Variants in PXDNL observed in about 807,000 individuals in gnomAD.
PXDNL encodes peroxidasin like.
In PXDNL, 145 loss-of-function variants were observed where a neutral mutation model predicts 150.8. That is an observed-to-expected ratio of 0.96 (90% CI 0.84 to 1.10). PXDNL has a LOEUF of 1.10. Ranked by LOEUF, PXDNL falls within the 50% of genes least tolerant of loss-of-function variation. PXDNL has a pLI of 0.00. For synonymous variants in PXDNL, 757 were observed against 725.7 expected (o/e 1.04, Z -0.69); for missense variants, 2,087 against 1,873.9 (o/e 1.11, Z -2.10).
chr8:51,561,531 A>G (rs969183792), intron 3 of PXDNL, among the ~76,000 whole-genome samples: 22 of 151,588 alleles, frequency 1.5e-4, no homozygotes, highest in Admixed American at 4.6e-4. Flanking sequence ...TTTTGAATTA[A>G]TTTTTTTTTA....
chr8:51,785,789 T>C (rs1452431504), intron 1 of PXDNL, among the ~76,000 whole-genome samples: 1 of 152,166 alleles, frequency 6.6e-6, no homozygotes, highest in Non-Finnish European at 1.5e-5. Flanking sequence ...TTAGACCAAC[T>C]AATAACCCTC....
chr8:51,657,832 T>G (rs1815183149), intron 1 of PXDNL, among the ~76,000 whole-genome samples: 1 of 152,340 alleles, frequency 6.6e-6, no homozygotes, highest in East Asian at 1.9e-4. Flanking sequence ...AGGTGCTATA[T>G]GTATCTATTA....
chr8:51,570,393 T>C (rs1812908900), intron 3 of PXDNL, among the ~76,000 whole-genome samples: 2 of 151,960 alleles, frequency 1.3e-5, no homozygotes, highest in South Asian at 4.1e-4. Context: ...TTCTAAGATA[T>C]TTATATCTAC....
intron 6 of PXDNL, among the ~76,000 whole-genome samples, chr8:51,479,766 G>A (rs1399682976): frequency 6.6e-6 from 1 of 152,118 alleles, no homozygotes; most frequent in Non-Finnish European, 1.5e-5. Flanking sequence ...TGGGTGCAGT[G>A]CACACTATTA....
intron 1 of PXDNL, among the ~76,000 whole-genome samples, chr8:51,700,791 CACAT>C (rs1263657985): frequency 2.0e-5 from 3 of 151,780 alleles, no homozygotes; most frequent in African/African-American, 4.8e-5. Flanking sequence ...CACATATAAA[CACAT>C]ACACACAAAT....
rs57985679 is a variant in PXDNL at position 51,589,051 on chromosome 8, T to G, written c.308+3576A>C. On this transcript the variant is annotated intron_variant, in intron 3 of 22. Coordinates refer to ENST00000356297, the MANE Select transcript of PXDNL (RefSeq NM_144651.5). ...TGGGTTAATGCCATTATCACAGGAG[T>G]AAGTTGGTTATCACAGACGTTTGGC... Among the ~76,000 whole-genome samples, 1,353 of 151,794 alleles carry G rather than the reference T, an allele frequency of 8.9e-3. 91 individuals carry two copies. The East Asian group carries it at 0.18, about 20-fold the overall frequency.
intron 4 of PXDNL, among the ~76,000 whole-genome samples, chr8:51,516,152 T>TA (rs1336898236): frequency 2.0e-5 from 3 of 152,186 alleles, no homozygotes; most frequent in Non-Finnish European, 2.9e-5. Context: ...TATGTAACTT[T>TA]AAAAAACAAA....
intron 1 of PXDNL, among the ~76,000 whole-genome samples, chr8:51,788,738 C>T (rs2037482780): frequency 6.6e-6 from 1 of 152,204 alleles, no homozygotes; most frequent in Non-Finnish European, 1.5e-5. Context: ...AGCTCGTGGT[C>T]CCAGTGCTGG....
At chr8:51,328,610 T>C (rs1166293524) in intron 21 of PXDNL, among the ~76,000 whole-genome samples, 1 of 152,154 alleles carries the variant, frequency 6.6e-6, no homozygotes, top group Non-Finnish European at 1.5e-5. Flanking sequence ...GACCTGAAGA[T>C]ATGTCAATAG....
In PXDNL at chr8:51,408,792, G is replaced by A. The variant is rs1163232086; in HGVS notation, c.2832C>T (p.Cys944=). 1.9e-6 allele frequency: 3 copies of A among 1,571,598 alleles called. No individual in the cohort carries two copies. Among genetic ancestry groups the A allele is most frequent in the Non-Finnish European group, 2.6e-6 (3 of 1,159,582 alleles). ...LPFSTGPPTE[C]ARQEQESPCF... ...AGGGGCTCTCCTGCTCCTGTCGCGC[G>A]CACTCGGTGGGTGGGCCTGTAGAAA... The change falls in exon 17 of 23, where the codon TGC becomes TGT. Residue 944 remains cysteine, a synonymous_variant. Coordinates refer to ENST00000356297, the MANE Select transcript of PXDNL (RefSeq NM_144651.5).
chr8:51,379,632 G>A (rs904833945), intron 17 of PXDNL, among the ~76,000 whole-genome samples: 3 of 151,544 alleles, frequency 2.0e-5, no homozygotes, highest in African/African-American at 7.3e-5. Context: ...TTCTCATTAT[G>A]TTAGATTCTG....
At chr8:51,486,784 ATATATATATATTTTTTTTTTTTTT>A (rs1810765086) in intron 5 of PXDNL, among the ~76,000 whole-genome samples, 1 of 22,848 alleles carries the variant, frequency 4.4e-5, no homozygotes, top group Non-Finnish European at 7.0e-5. Context: ...ATATATATAT[ATATATATATATTTTTTTTTTTTTT>A]TTTTTTTTTT....
chr8:51,523,840 C>T (rs1811710208), intron 4 of PXDNL, among the ~76,000 whole-genome samples: 1 of 152,104 alleles, frequency 6.6e-6, no homozygotes, highest in African/African-American at 2.4e-5. Context: ...CTAGACCAGG[C>T]AAGATTTCTT....
Position 51,411,311 on chromosome 8 carries a change from G to A in PXDNL, c.2001C>T (p.His667=), listed in dbSNP as rs763213537. ...EMARAGEIFE[H]TLQLIRERVK... is the part of the protein sequence containing the mutation. ...CACGTTCCCGTATCAGCTGCAGCGTGTGCTCAAAAATCTCCCCTGCTCTTG... is the reference window on the plus strand; with the variant it reads ...CACGTTCCCGTATCAGCTGCAGCGTATGCTCAAAAATCTCCCCTGCTCTTG... The change falls in exon 16 of 23, where the codon CAC becomes CAT. Residue 667 remains histidine, a synonymous_variant. Coordinates refer to ENST00000356297, the MANE Select transcript of PXDNL (RefSeq NM_144651.5). 4.4e-6 allele frequency: 7 copies of A among 1,579,712 alleles called. No homozygotes were observed. The East Asian group carries it at 1.4e-4, about 32-fold the overall frequency.
chr8:51,529,662 T>C (rs1233360866), intron 4 of PXDNL, among the ~76,000 whole-genome samples: 1 of 152,176 alleles, frequency 6.6e-6, no homozygotes, highest in Non-Finnish European at 1.5e-5. Context: ...GACTCCCAAA[T>C]ATTGATCTCC....
intron 4 of PXDNL, among the ~76,000 whole-genome samples, chr8:51,541,778 C>T (rs902079151): frequency 8.5e-4 from 129 of 152,138 alleles, no homozygotes; most frequent in African/African-American, 3.0e-3. Context: ...CTCTGGAAAA[C>T]ACCAGAGAAA....
At chr8:51,421,252 A>G (rs541542807) in intron 14 of PXDNL, among the ~76,000 whole-genome samples, 427 of 152,338 alleles carry the variant, frequency 2.8e-3, no homozygotes, top group Non-Finnish European at 4.4e-3. Flanking sequence ...TTCCCAAACT[A>G]TCTCAAGGGC....
chr8:51,741,659 A>AT (rs2036907826), intron 1 of PXDNL, among the ~76,000 whole-genome samples: 1 of 152,236 alleles, frequency 6.6e-6, no homozygotes, highest in African/African-American at 2.4e-5. Context: ...CAATGAAACA[A>AT]AATAGAGAAC....
intron 17 of PXDNL, among the ~76,000 whole-genome samples, chr8:51,404,398 C>T (rs1188322506): frequency 6.8e-6 from 1 of 146,824 alleles, no homozygotes; most frequent in Non-Finnish European, 1.5e-5. Context: ...GACACAGAGT[C>T]CTGATTGGTG....
Sources: gnomAD v4.1 joint callset for allele counts (sites outside exome capture counted in the v4.1 genomes callset) on GRCh38, gnomAD v4.1.1 for gene constraint, MANE v1.5 for transcripts, NCBI Gene and HGNC (gene_info 2026-07-23, HGNC 2026-07-21) for gene names.